Variants in BATF observed in about 807,000 individuals in gnomAD.
The protein encoded by BATF is basic leucine zipper ATF-like transcription factor, also known as basic leucine zipper transcriptional factor ATF-like.
In BATF, 5 loss-of-function variants were observed where a neutral mutation model predicts 13.7. That is an observed-to-expected ratio of 0.36 (90% CI 0.19 to 0.77). BATF has a LOEUF of 0.77. BATF is among the 30% of genes least tolerant of loss of function. The pLI, the probability that BATF is intolerant of heterozygous loss-of-function variation, is 0.51. For missense variants in BATF, 124 were observed against 163.0 expected (o/e 0.76, Z 1.30); for synonymous variants, 72 against 67.5 (o/e 1.07, Z -0.33).
At chr14:75,545,135 G>A (rs924312829) in intron 2 of BATF, among the ~76,000 whole-genome samples, 9 of 152,156 alleles carry the variant, frequency 5.9e-5, no homozygotes, top group African/African-American at 1.2e-4. Flanking sequence ...CCAAAATACC[G>A]TCAGAATGCT....
rs181880383 is a variant in BATF at position 75,536,369 on chromosome 14, G to T, written c.169-10093G>T. Among the ~76,000 whole-genome samples the T allele has an allele frequency of 3.7e-3, 565 of 152,256 alleles. 2 individuals carry two copies. The highest frequency in any genetic ancestry group is 6.1e-3 in the Non-Finnish European group (415 of 68,024). ...GCGAGGCCAGGCAAAGGTCAGAAAG[G>T]TGCTTGGTAAGGTGGAGACCAAGTT... is the stretch of plus-strand genomic sequence containing the variant. On this transcript the variant is annotated intron_variant, in intron 2 of 2. Transcript: ENST00000286639.
intron 2 of BATF, among the ~76,000 whole-genome samples, chr14:75,530,673 T>C (rs1197678684): frequency 6.6e-6 from 1 of 152,192 alleles, no homozygotes; most frequent in East Asian, 1.9e-4. Context: ...TTTTATTTAT[T>C]TATTTATTTT....
intron 2 of BATF, among the ~76,000 whole-genome samples, chr14:75,533,687 G>A (rs970213329): frequency 6.6e-6 from 1 of 152,080 alleles, no homozygotes; most frequent in African/African-American, 2.4e-5. Context: ...CAGTATAAAG[G>A]CCCCTTCAGA....
chr14:75,540,190 C>A (rs901098366), intron 2 of BATF, among the ~76,000 whole-genome samples: 17 of 152,280 alleles, frequency 1.1e-4, no homozygotes, highest in Admixed American at 9.1e-4. Context: ...CAGTCCCCAC[C>A]AGGGCCCAGC....
intron 2 of BATF, among the ~76,000 whole-genome samples, chr14:75,526,485 A>T (rs1386473585): frequency 6.6e-6 from 1 of 152,260 alleles, no homozygotes; most frequent in Admixed American, 6.5e-5. Context: ...TGTTAACCGT[A>T]TCAAGAATAA....
Position 75,546,719 on chromosome 14 carries a change from T to C in BATF, c.*48T>C, listed in dbSNP as rs746992198. ...AGCCTCGGGAGGGGCACACAGACTG[T>C]GGCAGAGCTGCGCCCATCCCGCAGA... On this transcript the variant is annotated 3_prime_UTR_variant, in exon 3 of 3. Coordinates refer to ENST00000286639, the MANE Select transcript of BATF (RefSeq NM_006399.5). The C allele has an allele frequency of 1.3e-6, 2 of 1,503,098 alleles. No homozygotes were observed. The highest frequency in any genetic ancestry group is 1.8e-6 in the Non-Finnish European group (2 of 1,123,518). 93.1% of individuals were successfully genotyped at this position (1,503,098 alleles called of 1,614,324 possible). A position where few individuals can be genotyped will look rare whatever the true frequency, so the allele number is the denominator to read the frequency against.
chr14:75,533,861 G>A (rs1887776472), intron 2 of BATF, among the ~76,000 whole-genome samples: 1 of 152,182 alleles, frequency 6.6e-6, no homozygotes, highest in South Asian at 2.1e-4. Flanking sequence ...AGGAAACTGA[G>A]GACGCCCAAG....
chr14:75,536,612 A>T (rs1266440482), intron 2 of BATF, among the ~76,000 whole-genome samples: 1 of 151,996 alleles, frequency 6.6e-6, no homozygotes, highest in African/African-American at 2.4e-5. Flanking sequence ...GGTCCCACCT[A>T]CTTGGGAGGC....
chr14:75,541,813 G>A (rs766990339), intron 2 of BATF, among the ~76,000 whole-genome samples: 1 of 152,126 alleles, frequency 6.6e-6, no homozygotes, highest in East Asian at 1.9e-4. Flanking sequence ...ACAGGCATGC[G>A]CCACCACGCC....
chr14:75,535,994 C>T (rs1432159531), intron 2 of BATF, among the ~76,000 whole-genome samples: 1 of 152,174 alleles, frequency 6.6e-6, no homozygotes, highest in African/African-American at 2.4e-5. Flanking sequence ...CTGAGATCAG[C>T]GGAAGTGATT....
At chr14:75,524,174 G>C (rs3784008) in intron 1 of BATF, among the ~76,000 whole-genome samples, 8,962 of 152,232 alleles carry the variant, frequency 0.059, 403 homozygotes, top group African/African-American at 0.12. Context: ...ATCTGGGAGA[G>C]AACTGGAGCT....
Position 75,522,634 on chromosome 14 carries a change from A to G in BATF, c.-49A>G. 1 of 1,610,880 alleles carries G rather than the reference A, an allele frequency of 6.2e-7. No homozygotes were observed. Among genetic ancestry groups the G allele is most frequent in the Non-Finnish European group, 8.5e-7 (1 of 1,177,170 alleles). On this transcript the variant is annotated 5_prime_UTR_variant, in exon 1 of 3. Transcript: ENST00000286639. Reference sequence around the variant, plus strand: ...AAGGGAGCCCAGCTGGTGACAAGAGAGCCCAGAGGTGCCTGGGGCTGAGTG... The same window carrying G: ...AAGGGAGCCCAGCTGGTGACAAGAGGGCCCAGAGGTGCCTGGGGCTGAGTG...
chr14:75,529,424 A>T (rs1274334921), intron 2 of BATF, among the ~76,000 whole-genome samples: 1 of 152,136 alleles, frequency 6.6e-6, no homozygotes. Flanking sequence ...ACTTGAAGTC[A>T]GGAGTTCGAG....
At chr14:75,531,998 A>G (rs1887741340) in intron 2 of BATF, among the ~76,000 whole-genome samples, 2 of 152,228 alleles carry the variant, frequency 1.3e-5, no homozygotes, top group Non-Finnish European at 2.9e-5. Context: ...CATTGCTATG[A>G]ATTTCTTTTA....
chr14:75,524,116 A>C (rs3784009), intron 1 of BATF, among the ~76,000 whole-genome samples: 8,961 of 152,200 alleles, frequency 0.059, 404 homozygotes, highest in African/African-American at 0.12. Context: ...GGAGACGTGG[A>C]AGGGAACAGG....
chr14:75,526,560 C>T (rs767358535), intron 2 of BATF, among the ~76,000 whole-genome samples: 4 of 151,564 alleles, frequency 2.6e-5, no homozygotes, highest in Non-Finnish European at 5.9e-5. Flanking sequence ...ACAGAGCAGA[C>T]TGCACCAACA....
intron 2 of BATF, among the ~76,000 whole-genome samples, chr14:75,542,092 T>C (rs1182098066): frequency 6.6e-6 from 1 of 152,240 alleles, no homozygotes; most frequent in Non-Finnish European, 1.5e-5. Flanking sequence ...TCGCGGGCAA[T>C]GAGTCTTTGC....
intron 2 of BATF, among the ~76,000 whole-genome samples, chr14:75,533,964 A>G (rs1887781591): frequency 6.6e-6 from 1 of 152,158 alleles, no homozygotes. Context: ...CATAAGGCCT[A>G]TTGCAAAGGT....
At chr14:75,542,857 G>A (rs1412884163) in intron 2 of BATF, among the ~76,000 whole-genome samples, 1 of 152,224 alleles carries the variant, frequency 6.6e-6, no homozygotes, top group African/African-American at 2.4e-5. Context: ...CAGGGAGGGG[G>A]AGGCAGACGA....
Sources: gnomAD v4.1 joint callset for allele counts (sites outside exome capture counted in the v4.1 genomes callset) on GRCh38, gnomAD v4.1.1 for gene constraint, MANE v1.5 for transcripts, NCBI Gene and HGNC (gene_info 2026-07-23, HGNC 2026-07-21) for gene names.